Variants in IMPG1 observed in about 807,000 individuals in gnomAD.
IMPG1 encodes the protein interphotoreceptor matrix proteoglycan of 150 kDa.
In IMPG1, 85 loss-of-function variants were observed where a neutral mutation model predicts 92.0. The observed-to-expected ratio is 0.92, with a 90% CI of 0.78 to 1.11. The LOEUF is 1.11. IMPG1 is among the 50% of genes least tolerant of loss of function. The pLI, the probability that IMPG1 is intolerant of heterozygous loss-of-function variation, is 0.00. For synonymous variants in IMPG1, 367 were observed against 334.1 expected (o/e 1.10, Z -1.08); for missense variants, 1,022 against 956.0 (o/e 1.07, Z -0.91).
In IMPG1 at chr6:75,922,006, G is replaced by A; in HGVS notation, c.*83C>T. 1 of 696,366 alleles carries A rather than the reference G, an allele frequency of 1.4e-6. No homozygotes were observed. The highest frequency in any genetic ancestry group is 2.6e-6 in the Non-Finnish European group (1 of 379,510). The allele number at this position is 696,366 out of a possible 1,614,324, so 43.1% of individuals were successfully genotyped here. A position where few individuals can be genotyped will look rare whatever the true frequency, so the allele number is the denominator to read the frequency against. On this transcript the variant is annotated 3_prime_UTR_variant, in exon 17 of 17. Coordinates refer to ENST00000369950, the MANE Select transcript of IMPG1 (RefSeq NM_001563.4). ...GTATGTCTGGATTTTGATGACCCATGAATATGCCTGTCTCCATTTTCCTTG... is the reference window on the plus strand; with the variant it reads ...GTATGTCTGGATTTTGATGACCCATAAATATGCCTGTCTCCATTTTCCTTG...
intron 12 of IMPG1, among the ~76,000 whole-genome samples, chr6:76,001,485 T>C (rs1468337465): frequency 6.6e-6 from 1 of 152,116 alleles, no homozygotes; most frequent in East Asian, 1.9e-4. Context: ...TGCCTAGCAA[T>C]TGGAATGTGA....
At chr6:75,942,989 G>A (rs1276471098) in intron 14 of IMPG1, among the ~76,000 whole-genome samples, 2 of 152,004 alleles carry the variant, frequency 1.3e-5, no homozygotes, top group African/African-American at 2.4e-5. Flanking sequence ...TATAAGATAC[G>A]CAGATTCATA....
intron 12 of IMPG1, among the ~76,000 whole-genome samples, chr6:75,971,353 GAT>G (rs1040587127): frequency 1.3e-5 from 2 of 151,200 alleles, no homozygotes; most frequent in African/African-American, 2.4e-5. Flanking sequence ...CGCACTGGGA[GAT>G]ATACCTAATG....
At chr6:75,943,399 TC>T (rs1368442752) in intron 14 of IMPG1, among the ~76,000 whole-genome samples, 1 of 152,064 alleles carries the variant, frequency 6.6e-6, no homozygotes, top group Non-Finnish European at 1.5e-5. Context: ...CTCTGTGAGC[TC>T]CCACCAGCAC....
At chr6:76,055,616 T>C (rs1161485711) in intron 1 of IMPG1, among the ~76,000 whole-genome samples, 1 of 151,900 alleles carries the variant, frequency 6.6e-6, no homozygotes, top group African/African-American at 2.4e-5. Flanking sequence ...AAAGTCAAAC[T>C]TTTTTGGAAA....
At chr6:76,055,346 A>T (rs1166450461) in intron 1 of IMPG1, among the ~76,000 whole-genome samples, 1 of 152,110 alleles carries the variant, frequency 6.6e-6, no homozygotes, top group Non-Finnish European at 1.5e-5. Context: ...GTTATTAGAG[A>T]GTATTTTTCT....
At chr6:76,065,983 A>C (rs555225729) in intron 1 of IMPG1, among the ~76,000 whole-genome samples, 1 of 152,168 alleles carries the variant, frequency 6.6e-6, no homozygotes, top group Admixed American at 6.5e-5. Flanking sequence ...ACTAAGTTTC[A>C]TAAATGAAGG....
chr6:75,994,710 C>T (rs1782868557), intron 12 of IMPG1, among the ~76,000 whole-genome samples: 1 of 152,220 alleles, frequency 6.6e-6, no homozygotes, highest in South Asian at 2.1e-4. Context: ...TCAATTACCT[C>T]TGGGTGGGTC....
In IMPG1 at chr6:76,018,708, G is replaced by A. The variant is rs370892494; in HGVS notation, c.807+10C>T. The A allele has an allele frequency of 1.2e-6, 2 of 1,612,342 alleles. No individual in the cohort carries two copies. The highest frequency in any genetic ancestry group is 8.5e-7 in the Non-Finnish European group (1 of 1,179,088). On this transcript the variant is annotated intron_variant, in intron 7 of 16. Transcript: ENST00000369950. ...CTTGAGGTGTGGTTGTATGGGCCGG[G>A]TCTACTCACCTGAAGTTGGGACTTT...
chr6:76,018,433 T>C (rs1783334236), intron 7 of IMPG1, among the ~76,000 whole-genome samples: 1 of 152,222 alleles, frequency 6.6e-6, no homozygotes, highest in Non-Finnish European at 1.5e-5. Flanking sequence ...ATTTTCAATT[T>C]AATATTTTTG....
chr6:75,978,030 T>A (rs909483690), intron 12 of IMPG1, among the ~76,000 whole-genome samples: 1 of 152,050 alleles, frequency 6.6e-6, no homozygotes. Flanking sequence ...ACTCAAGCAG[T>A]CCTCCCGCCT....
intron 2 of IMPG1, among the ~76,000 whole-genome samples, chr6:76,037,576 T>C (rs1783762893): frequency 6.6e-6 from 1 of 152,320 alleles, no homozygotes; most frequent in Non-Finnish European, 1.5e-5. Context: ...CTACATAATA[T>C]ACAAGAAGGA....
rs575504756 is a variant in IMPG1, at chr6:76,044,629, G to C, written c.68-2503C>G. ...CCCTGGCTCTGGGAACAATGTTGCTGTCCTGGAATTTTTTTCCAGGTGGAT... is the reference window on the plus strand; with the variant it reads ...CCCTGGCTCTGGGAACAATGTTGCTCTCCTGGAATTTTTTTCCAGGTGGAT... On this transcript the variant is annotated intron_variant, in intron 1 of 16. Transcript: ENST00000369950. Among the ~76,000 whole-genome samples, 122 of 152,264 alleles carry C rather than the reference G, an allele frequency of 8.0e-4. 1 individual carries two copies. Among genetic ancestry groups the C allele is most frequent in the African/African-American group, 2.6e-3 (106 of 41,560 alleles).
chr6:76,052,355 C>T (rs986680105), intron 1 of IMPG1, among the ~76,000 whole-genome samples: 1 of 152,294 alleles, frequency 6.6e-6, no homozygotes, highest in South Asian at 2.1e-4. Flanking sequence ...TGACTAGTTT[C>T]TGTGTCCTGG....
At chr6:75,997,332 T>A (rs1444322836) in intron 12 of IMPG1, among the ~76,000 whole-genome samples, 1 of 152,246 alleles carries the variant, frequency 6.6e-6, no homozygotes, top group Non-Finnish European at 1.5e-5. Context: ...TCGGCTGAGT[T>A]GTTCTTAAAA....
At chr6:76,011,648 A>G (rs931502011) in intron 7 of IMPG1, among the ~76,000 whole-genome samples, 4 of 151,636 alleles carry the variant, frequency 2.6e-5, no homozygotes, top group African/African-American at 9.7e-5. Context: ...GGTTAGTTAC[A>G]TATGTATACA....
intron 1 of IMPG1, among the ~76,000 whole-genome samples, chr6:76,067,360 T>C (rs1001505725): frequency 6.6e-5 from 10 of 152,034 alleles, no homozygotes; most frequent in African/African-American, 2.4e-4. Flanking sequence ...ACAACATTAC[T>C]ACTGATACCA....
At chr6:76,063,178 T>C (rs1023938720) in intron 1 of IMPG1, among the ~76,000 whole-genome samples, 3 of 151,688 alleles carry the variant, frequency 2.0e-5, no homozygotes, top group Admixed American at 6.6e-5. Context: ...CATTCCAGCC[T>C]GGGTGATAAA....
intron 15 of IMPG1, among the ~76,000 whole-genome samples, chr6:75,924,650 T>G (rs1483033363): frequency 4.1e-4 from 1 of 2,468 alleles, no homozygotes; most frequent in African/African-American, 8.3e-4. Flanking sequence ...TATAATTAAT[T>G]ATATATAATA....
Sources: gnomAD v4.1 joint callset for allele counts (sites outside exome capture counted in the v4.1 genomes callset) on GRCh38, gnomAD v4.1.1 for gene constraint, MANE v1.5 for transcripts, NCBI Gene and HGNC (gene_info 2026-07-23, HGNC 2026-07-21) for gene names.